The following OSBPL11 variants were observed in gnomAD, a reference collection of about 807,000 sequenced individuals.
OSBPL11 encodes oxysterol-binding protein-related protein 11.
Under a neutral mutation model 84.4 loss-of-function variants are expected in OSBPL11, and 33 were observed. That is an observed-to-expected ratio of 0.39 (90% CI 0.30 to 0.52). OSBPL11 has a LOEUF of 0.52. Ranked by LOEUF, OSBPL11 falls within the 20% of genes least tolerant of loss-of-function variation. OSBPL11 has a pLI of 0.72. For synonymous variants in OSBPL11, 276 were observed against 310.2 expected (o/e 0.89, Z 1.16); for missense variants, 736 against 901.1 (o/e 0.82, Z 2.35).
At chr3:125,593,936 T>C (rs1010195287) in intron 1 of OSBPL11, among the ~76,000 whole-genome samples, 4 of 152,164 alleles carry the variant, frequency 2.6e-5, no homozygotes, top group Non-Finnish European at 4.4e-5. Flanking sequence ...ACTTCATATA[T>C]GAAAAAACAA....
At position 125,594,794 on chromosome 3, in the gene OSBPL11, C is replaced by T. The variant is rs148776495; in HGVS notation, c.7G>A (p.Gly3Arg). The change falls in exon 1 of 13, where the codon GGG becomes AGG. Residue 3 changes from glycine (G) to arginine (R), a missense_variant. Around this residue, in one of 3 missense-constraint regions of OSBPL11, gnomAD observed 114 missense variants for 104.9 expected, o/e 1.09. Coordinates refer to ENST00000296220, the MANE Select transcript of OSBPL11 (RefSeq NM_022776.5). MQ[G>R]GEPVSTMKVS... ...TTCATTGTGGACACTGGTTCACCCC[C>T]CTGCATCTTAACGCCAAAGTCCACT... is the stretch of plus-strand genomic sequence containing the variant. The T allele has an allele frequency of 3.1e-6, 5 of 1,613,536 alleles. No individual in the cohort carries two copies. The highest frequency in any genetic ancestry group is 4.2e-6 in the Non-Finnish European group (5 of 1,179,592).
intron 6 of OSBPL11, among the ~76,000 whole-genome samples, chr3:125,565,430 C>T (rs1373073995): frequency 6.6e-6 from 1 of 152,084 alleles, no homozygotes; most frequent in Non-Finnish European, 1.5e-5. Context: ...CCAAAATACA[C>T]TTGTCTCCTC....
chr3:125,553,073 C>T, intron 8 of OSBPL11, among the ~76,000 whole-genome samples: 1 of 152,202 alleles, frequency 6.6e-6, no homozygotes, highest in Non-Finnish European at 1.5e-5. Context: ...GACTGCGCCA[C>T]TGCACTTGTA....
chr3:125,531,830 C>T, intron 12 of OSBPL11, 31 bp downstream of exon 12: 2 of 1,574,048 alleles, frequency 1.3e-6, no homozygotes, highest in Non-Finnish European at 1.7e-6. Context: ...CAAGTAGATA[C>T]ATTTTTATCT....
intron 2 of OSBPL11, among the ~76,000 whole-genome samples, 159 bp from the exon 3 acceptor site, chr3:125,580,199 C>T (rs1300258675): frequency 6.6e-6 from 1 of 152,106 alleles, no homozygotes; most frequent in Non-Finnish European, 1.5e-5. Flanking sequence ...CTGAATTTTC[C>T]AGCAGGGAAG....
At chr3:125,576,975 C>T (rs761393405) in intron 4 of OSBPL11, among the ~76,000 whole-genome samples, 1 of 152,162 alleles carries the variant, frequency 6.6e-6, no homozygotes, top group African/African-American at 2.4e-5. Flanking sequence ...TGAGCCACTG[C>T]GCCCGGCCTT....
chr3:125,569,229 G>C (rs1324654904), intron 5 of OSBPL11, among the ~76,000 whole-genome samples: 1 of 152,030 alleles, frequency 6.6e-6, no homozygotes, highest in African/African-American at 2.4e-5. Flanking sequence ...GATTACAGGC[G>C]TGAGTCACTG....
intron 1 of OSBPL11, among the ~76,000 whole-genome samples, chr3:125,591,243 A>G (rs984693300): frequency 2.0e-5 from 3 of 152,204 alleles, no homozygotes; most frequent in Non-Finnish European, 4.4e-5. Context: ...TCTTGAGTCT[A>G]TTATATTAAC....
chr3:125,550,717 T>C (rs1194351897), intron 9 of OSBPL11, among the ~76,000 whole-genome samples: 4 of 152,228 alleles, frequency 2.6e-5, no homozygotes, highest in Admixed American at 2.6e-4. Flanking sequence ...ATAATTTCTG[T>C]GGAGATTTTT....
At chr3:125,539,190 A>G (rs1208458737) in intron 10 of OSBPL11, among the ~76,000 whole-genome samples, 1 of 150,370 alleles carries the variant, frequency 6.7e-6, no homozygotes, top group African/African-American at 2.4e-5. Context: ...TCTTGCCAAA[A>G]GAGAAAAATT....
chr3:125,577,785 T>G (rs971331519), intron 4 of OSBPL11, among the ~76,000 whole-genome samples: 2 of 151,372 alleles, frequency 1.3e-5, no homozygotes, highest in African/African-American at 4.9e-5. Flanking sequence ...GCTGATATCG[T>G]GCCACTGCAC....
At chr3:125,539,563 C>G (rs1279796835) in intron 10 of OSBPL11, among the ~76,000 whole-genome samples, 1 of 151,862 alleles carries the variant, frequency 6.6e-6, no homozygotes, top group Non-Finnish European at 1.5e-5. Flanking sequence ...GCTTCAGCCT[C>G]CCAAGTAGCT....
Position 125,595,163 on chromosome 3 carries a change from C to G in OSBPL11, c.-363G>C. The G allele has an allele frequency of 5.8e-6, 1 of 171,640 alleles. No homozygotes were observed. Among genetic ancestry groups the G allele is most frequent in the South Asian group, 1.3e-4 (1 of 7,686 alleles). 10.6% of individuals were successfully genotyped at this position (171,640 alleles called of 1,614,324 possible). On this transcript the variant is annotated 5_prime_UTR_variant, in exon 1 of 13. Transcript: ENST00000296220. ...CAAGACGGCTGGGAAAAGGACGGAG[C>G]GCCACGGACAGGGGACCCGCGGCCT... is the stretch of plus-strand genomic sequence containing the variant.
At position 125,561,085 on chromosome 3, in the gene OSBPL11, C is replaced by T. The variant is rs575293239; in HGVS notation, c.1015-566G>A. On this transcript the variant is annotated intron_variant, in intron 7 of 12. Coordinates refer to ENST00000296220, the MANE Select transcript of OSBPL11 (RefSeq NM_022776.5). ...TGGTGTTAGCTCACTACAACCTCCA[C>T]CTCCTGGGTTCAAGCGATTCTCCTG... Among the ~76,000 whole-genome samples the T allele has an allele frequency of 5.3e-5, 8 of 152,226 alleles. No homozygotes were observed. The East Asian group carries it at 5.8e-4, about 11-fold the overall frequency.
intron 1 of OSBPL11, among the ~76,000 whole-genome samples, chr3:125,591,983 CAG>C (rs576861701): frequency 9.9e-5 from 15 of 152,032 alleles, no homozygotes; most frequent in Non-Finnish European, 2.1e-4. Flanking sequence ...CCCTGGGAGA[CAG>C]AGAGAGACCT....
At chr3:125,559,541 C>T (rs1036547411) in intron 8 of OSBPL11, among the ~76,000 whole-genome samples, 9 of 152,048 alleles carry the variant, frequency 5.9e-5, no homozygotes, top group Non-Finnish European at 8.8e-5. Flanking sequence ...GCCACCATGC[C>T]CGGCTAATTT....
At chr3:125,536,016 T>A (rs1203850680) in intron 11 of OSBPL11, among the ~76,000 whole-genome samples, 1 of 151,420 alleles carries the variant, frequency 6.6e-6, no homozygotes, top group Non-Finnish European at 1.5e-5. Flanking sequence ...GCACCTGTAA[T>A]CCCAGCTACT....
rs371862872 is a variant in OSBPL11, at chr3:125,549,079, T to C, written c.1655-1487A>G. ...TCTTGATGCCCAGGCTGGAGTGCAA[T>C]GGCACGACCTCAGCTCAATGTAACT... On this transcript the variant is annotated intron_variant, in intron 9 of 12. Coordinates refer to ENST00000296220, the MANE Select transcript of OSBPL11 (RefSeq NM_022776.5). Among the ~76,000 whole-genome samples the C allele has an allele frequency of 3.9e-5, 6 of 152,218 alleles. No homozygotes were observed. The South Asian group carries it at 1.3e-3, about 32-fold the overall frequency.
At chr3:125,539,305 A>ATATG (rs1935688994) in intron 10 of OSBPL11, among the ~76,000 whole-genome samples, 1 of 20,640 alleles carries the variant, frequency 4.8e-5, no homozygotes, top group Non-Finnish European at 1.1e-4. Flanking sequence ...ACAGCCATAT[A>ATATG]TATATATATA....
Sources: gnomAD v4.1 joint callset for allele counts (sites outside exome capture counted in the v4.1 genomes callset) on GRCh38, gnomAD v4.1.1 for gene constraint, gnomAD v4.1.1 regional missense constraint, MANE v1.5 for transcripts, NCBI Gene and HGNC (gene_info 2026-07-23, HGNC 2026-07-21) for gene names.